The following WDFY4 variants were observed in gnomAD, a reference collection of about 807,000 sequenced individuals.
WDFY4 encodes WD repeat- and FYVE domain-containing protein 4.
Under a neutral mutation model 351.9 loss-of-function variants are expected in WDFY4, and 169 were observed. The ratio of observed to expected loss-of-function variants is 0.48; its 90% CI spans 0.42 to 0.55. The LOEUF is 0.55. Among genes scored for constraint, WDFY4 ranks in the 20% least tolerant of loss-of-function variants. The pLI, the probability that WDFY4 is intolerant of heterozygous loss-of-function variation, is 0.00. For missense variants in WDFY4, 3,803 were observed against 3,935.6 expected (o/e 0.97, Z 0.90); for synonymous variants, 1,622 against 1,574.6 (o/e 1.03, Z -0.71).
intron 57 of WDFY4, among the ~76,000 whole-genome samples, chr10:48,973,695 C>T (rs1333999157): frequency 6.6e-6 from 1 of 152,198 alleles, no homozygotes; most frequent in Non-Finnish European, 1.5e-5. Context: ...GTGATGGAAT[C>T]CACACCATTG....
At chr10:48,816,611 G>A (rs2067628607) in intron 31 of WDFY4, among the ~76,000 whole-genome samples, 1 of 152,148 alleles carries the variant, frequency 6.6e-6, no homozygotes, top group African/African-American at 2.4e-5. Flanking sequence ...TCTGTATGGA[G>A]CATAAGGAAT....
At chr10:48,914,857 A>G (rs1376969427) in intron 47 of WDFY4, among the ~76,000 whole-genome samples, 1 of 152,156 alleles carries the variant, frequency 6.6e-6, no homozygotes. Context: ...ACTCCCCATC[A>G]TGAGCACACA....
intron 12 of WDFY4, 36 bp from the exon 13 acceptor site, chr10:48,760,311 T>A (rs1056965346): frequency 4.6e-6 from 7 of 1,533,314 alleles, no homozygotes; most frequent in Non-Finnish European, 5.3e-6. Context: ...AACTGGAAGG[T>A]CCGTGTCTCA....
intron 53 of WDFY4, among the ~76,000 whole-genome samples, chr10:48,963,254 G>A (rs1432270460): frequency 2.0e-5 from 3 of 152,202 alleles, no homozygotes; most frequent in East Asian, 3.9e-4. Flanking sequence ...CCTAACTCCT[G>A]GAGCTCCCTG....
At chr10:48,723,614 CG>C (rs2064164951) in intron 5 of WDFY4, 47 bp downstream of exon 5, 1 of 1,548,006 alleles carries the variant, frequency 6.5e-7, no homozygotes, top group Admixed American at 2.0e-5. Flanking sequence ...AACCTCACTT[CG>C]GGGACAGACT....
intron 57 of WDFY4, among the ~76,000 whole-genome samples, chr10:48,973,503 C>T (rs897391864): frequency 6.6e-6 from 1 of 152,200 alleles, no homozygotes; most frequent in African/African-American, 2.4e-5. Flanking sequence ...GCCTCATTGA[C>T]CCAAATGAAT....
chr10:48,968,929 C>T, intron 55 of WDFY4, 135 bp from the exon 56 acceptor site: 1 of 868,310 alleles, frequency 1.2e-6, no homozygotes, highest in Non-Finnish European at 1.8e-6. Flanking sequence ...TGCCCAGGGC[C>T]CAGCTGCAGT....
chr10:48,697,425 A>G (rs1487821338), intron 1 of WDFY4, among the ~76,000 whole-genome samples: 1 of 152,190 alleles, frequency 6.6e-6, no homozygotes, highest in Admixed American at 6.5e-5. Flanking sequence ...ACACTTACAC[A>G]TGGCGCCACT....
intron 6 of WDFY4, among the ~76,000 whole-genome samples, chr10:48,726,751 C>T (rs552768138): frequency 6.6e-6 from 1 of 152,364 alleles, no homozygotes; most frequent in East Asian, 1.9e-4. Context: ...AGCTGAGAGG[C>T]TGAGCTTGCA....
rs1327586229 is a variant in WDFY4, at chr10:48,982,625, G to A, written c.*50G>A. 2.0e-6 allele frequency: 3 copies of A among 1,532,442 alleles called. No individual in the cohort carries two copies. Among genetic ancestry groups the A allele is most frequent in the Admixed American group, 3.9e-5 (2 of 50,668 alleles). 94.9% of individuals were successfully genotyped at this position (1,532,442 alleles called of 1,614,324 possible). ...GGCACAACAGTGCCAGGCTGAGGGT[G>A]GCAGAGGTGACTGGGGCCTGAGCTC... On this transcript the variant is annotated 3_prime_UTR_variant, in exon 62 of 62. Coordinates refer to ENST00000325239, the MANE Select transcript of WDFY4 (RefSeq NM_001394531.1).
intron 19 of WDFY4, 60 bp from the exon 20 acceptor site, chr10:48,786,579 A>G: frequency 1.5e-6 from 2 of 1,294,212 alleles, no homozygotes; most frequent in Non-Finnish European, 1.1e-6. Context: ...ATCACTTTGT[A>G]TTTACTTGAT....
intron 1 of WDFY4, among the ~76,000 whole-genome samples, chr10:48,704,265 C>T (rs1033750863): frequency 6.6e-6 from 1 of 152,184 alleles, no homozygotes; most frequent in Non-Finnish European, 1.5e-5. Flanking sequence ...TTGACCTGGA[C>T]CCCTGCCTGT....
At chr10:48,774,122 C>A (rs2065952717) in intron 13 of WDFY4, among the ~76,000 whole-genome samples, 1 of 152,242 alleles carries the variant, frequency 6.6e-6, no homozygotes, top group Non-Finnish European at 1.5e-5. Context: ...TCAGAAACTG[C>A]TGAAATATTG....
chr10:48,882,963 C>T (rs2070311587), intron 43 of WDFY4, among the ~76,000 whole-genome samples: 1 of 152,048 alleles, frequency 6.6e-6, no homozygotes, highest in Non-Finnish European at 1.5e-5. Flanking sequence ...AGGATTTGAC[C>T]TCAGATCTCT....
intron 3 of WDFY4, among the ~76,000 whole-genome samples, chr10:48,720,621 T>G (rs2064052560): frequency 6.6e-6 from 1 of 151,222 alleles, no homozygotes; most frequent in Admixed American, 6.6e-5. Context: ...GATATACACA[T>G]AGGCACACAC....
intron 57 of WDFY4, among the ~76,000 whole-genome samples, chr10:48,972,472 A>G (rs1842379722): frequency 6.6e-6 from 1 of 152,180 alleles, no homozygotes; most frequent in Non-Finnish European, 1.5e-5. Context: ...AGCCTATCCA[A>G]TTGTTTCCAT....
intron 61 of WDFY4, 56 bp from the exon 62 acceptor site, chr10:48,982,453 C>G (rs569863765): frequency 7.2e-7 from 1 of 1,390,736 alleles, no homozygotes; most frequent in African/African-American, 1.5e-5. Flanking sequence ...CATGTGCTGG[C>G]GGGGACAAGT....
intron 23 of WDFY4, among the ~76,000 whole-genome samples, chr10:48,794,085 T>A (rs1446911492): frequency 6.6e-6 from 1 of 151,998 alleles, no homozygotes; most frequent in African/African-American, 2.4e-5. Context: ...GCATACCGAA[T>A]GGAGGGTAGG....
At chr10:48,765,406 G>A (rs774124307) in intron 13 of WDFY4, among the ~76,000 whole-genome samples, 10 of 152,180 alleles carry the variant, frequency 6.6e-5, no homozygotes, top group Non-Finnish European at 1.0e-4. Flanking sequence ...TGGGGATAAT[G>A]TCATCTTCTT....
Sources: gnomAD v4.1 joint callset for allele counts (sites outside exome capture counted in the v4.1 genomes callset) on GRCh38, gnomAD v4.1.1 for gene constraint, MANE v1.5 for transcripts, NCBI Gene and HGNC (gene_info 2026-07-23, HGNC 2026-07-21) for gene names.